Variants in CLINT1 observed in about 807,000 individuals in gnomAD.
The protein encoded by CLINT1 is clathrin interacting protein localized in the trans-Golgi region.
In CLINT1, 15 loss-of-function variants were observed where a neutral mutation model predicts 70.4. The ratio of observed to expected loss-of-function variants is 0.21; its 90% CI spans 0.14 to 0.33. The LOEUF is 0.33. CLINT1 is among the 10% of genes least tolerant of loss of function. The pLI, the probability that CLINT1 is intolerant of heterozygous loss-of-function variation, is 1.00. For missense variants in CLINT1, 615 were observed against 778.1 expected, an observed-to-expected ratio of 0.79 and a Z score of 2.49; for synonymous variants, 227 against 254.7, an observed-to-expected ratio of 0.89 and a Z score of 1.04.
chr5:157,827,833 A>G (rs907358975), intron 1 of CLINT1, among the ~76,000 whole-genome samples: 6 of 152,214 alleles, frequency 3.9e-5, no homozygotes, highest in African/African-American at 1.4e-4. Context: ...AAAGGAAAAT[A>G]TTGCACACTT....
At chr5:157,794,339 T>C (rs1266314319) in intron 9 of CLINT1, among the ~76,000 whole-genome samples, 1 of 151,922 alleles carries the variant, frequency 6.6e-6, no homozygotes, top group Non-Finnish European at 1.5e-5. Flanking sequence ...TTTAAGCCCA[T>C]ATTCTGTTTG....
At chr5:157,851,430 T>G (rs1199074424) in intron 1 of CLINT1, among the ~76,000 whole-genome samples, 2 of 152,150 alleles carry the variant, frequency 1.3e-5, no homozygotes, top group African/African-American at 4.8e-5. Flanking sequence ...GGCTCACACC[T>G]GCAATTCCAG....
At chr5:157,821,761 A>C (rs910029421) in intron 1 of CLINT1, among the ~76,000 whole-genome samples, 1 of 152,348 alleles carries the variant, frequency 6.6e-6, no homozygotes, top group Non-Finnish European at 1.5e-5. Context: ...GGCTAACAAT[A>C]CCAAATCTTA....
chr5:157,856,967 C>T (rs1485266398), intron 1 of CLINT1, among the ~76,000 whole-genome samples: 2 of 152,100 alleles, frequency 1.3e-5, no homozygotes, highest in African/African-American at 4.8e-5. Context: ...GGAATATTGC[C>T]TCGATTTCTG....
chr5:157,821,152 A>G (rs1208454591), intron 1 of CLINT1, among the ~76,000 whole-genome samples: 1 of 152,022 alleles, frequency 6.6e-6, no homozygotes, highest in Non-Finnish European at 1.5e-5. Flanking sequence ...TTCTACTTAC[A>G]TTTCCTTTCA....
intron 6 of CLINT1, among the ~76,000 whole-genome samples, chr5:157,808,729 A>T (rs921690741): frequency 1.3e-5 from 2 of 152,134 alleles, no homozygotes; most frequent in African/African-American, 4.8e-5. Flanking sequence ...AGTTTATAAA[A>T]ATACAGCTCT....
At chr5:157,851,553 T>C (rs1458808848) in intron 1 of CLINT1, among the ~76,000 whole-genome samples, 1 of 151,986 alleles carries the variant, frequency 6.6e-6, no homozygotes, top group Non-Finnish European at 1.5e-5. Flanking sequence ...CTGGGTGTTG[T>C]GACATGTGTC....
At chr5:157,812,719 T>C (rs1762601308) in intron 5 of CLINT1, among the ~76,000 whole-genome samples, 1 of 152,232 alleles carries the variant, frequency 6.6e-6, no homozygotes, top group Non-Finnish European at 1.5e-5. Flanking sequence ...TTTATTTTTA[T>C]ACTCTAAACT....
intron 8 of CLINT1, among the ~76,000 whole-genome samples, chr5:157,796,374 TC>T (rs1762067064): frequency 6.6e-6 from 1 of 152,238 alleles, no homozygotes; most frequent in Non-Finnish European, 1.5e-5. Flanking sequence ...GTTGTAATAT[TC>T]CTTTTTTTCT....
chr5:157,852,937 G>A (rs1195667487), intron 1 of CLINT1, among the ~76,000 whole-genome samples: 1 of 152,200 alleles, frequency 6.6e-6, no homozygotes, highest in East Asian at 1.9e-4. Context: ...ACCAAAGGTA[G>A]CTGAGACTAA....
chr5:157,815,752 A>G (rs1762701469), intron 3 of CLINT1, among the ~76,000 whole-genome samples: 1 of 152,224 alleles, frequency 6.6e-6, no homozygotes, highest in Admixed American at 6.5e-5. Context: ...CACACTGACA[A>G]TCTATAAGAC....
At chr5:157,853,791 A>AG (rs985277934) in intron 1 of CLINT1, among the ~76,000 whole-genome samples, 8 of 151,156 alleles carry the variant, frequency 5.3e-5, no homozygotes, top group African/African-American at 1.9e-4. Context: ...AAAAAAAAAA[A>AG]AAAAAAAAAA....
chr5:157,812,413 C>T (rs1300357618), intron 5 of CLINT1, among the ~76,000 whole-genome samples: 2 of 152,172 alleles, frequency 1.3e-5, no homozygotes, highest in Non-Finnish European at 2.9e-5. Flanking sequence ...TTTTGTGTAT[C>T]TGCTTCAAGC....
At chr5:157,833,209 G>A (rs113021495) in intron 1 of CLINT1, among the ~76,000 whole-genome samples, 4,477 of 152,056 alleles carry the variant, frequency 0.029, 206 homozygotes, top group African/African-American at 0.1. Context: ...AAATTAGCCC[G>A]GCGTGGTGGC....
chr5:157,836,522 T>TAGTGGTGTCATTA (rs1167664820), intron 1 of CLINT1, among the ~76,000 whole-genome samples: 1 of 152,220 alleles, frequency 6.6e-6, no homozygotes, highest in Non-Finnish European at 1.5e-5. Flanking sequence ...GCCCTGAGCA[T>TAGTGGTGTCATTA]AGTGGTGTCA....
chr5:157,792,732 C>A (rs951602816), intron 9 of CLINT1, among the ~76,000 whole-genome samples: 6 of 152,148 alleles, frequency 3.9e-5, no homozygotes, highest in Admixed American at 3.3e-4. Context: ...TCATACTTTG[C>A]AAGTTTAAGG....
chr5:157,826,293 T>G (rs1763035266), intron 1 of CLINT1, among the ~76,000 whole-genome samples: 1 of 152,164 alleles, frequency 6.6e-6, no homozygotes, highest in Non-Finnish European at 1.5e-5. Context: ...TGAATACATA[T>G]CGTCACCAAA....
chr5:157,798,396 T>C (rs1762123348), intron 8 of CLINT1, among the ~76,000 whole-genome samples: 1 of 152,208 alleles, frequency 6.6e-6, no homozygotes, highest in Non-Finnish European at 1.5e-5. Flanking sequence ...AGGGAGGTTA[T>C]TTAGTCACCA....
At chr5:157,842,368 G>A (rs548067923) in intron 1 of CLINT1, among the ~76,000 whole-genome samples, 9 of 152,274 alleles carry the variant, frequency 5.9e-5, no homozygotes, top group South Asian at 2.1e-4. Flanking sequence ...GCAGGAGAAT[G>A]GCATGAATCC....
Sources: allele counts gnomAD v4.1 joint callset (sites outside exome capture counted in the v4.1 genomes callset), GRCh38; gene constraint gnomAD v4.1.1; transcripts MANE v1.5; gene names NCBI Gene and HGNC (gene_info 2026-07-23, HGNC 2026-07-21).